Variants in CSMD3 observed in about 807,000 individuals in gnomAD.
CSMD3 encodes the protein CUB and Sushi multiple domains 3, also known as CUB and sushi domain-containing protein 3.
Under a neutral mutation model 435.2 loss-of-function variants are expected in CSMD3, and 177 were observed. The observed-to-expected ratio is 0.41, with a 90% CI of 0.36 to 0.46. CSMD3 has a LOEUF of 0.46. Ranked by LOEUF, CSMD3 falls within the 20% of genes least tolerant of loss-of-function variation. CSMD3 has a pLI of 0.34. For missense variants in CSMD3, 4,265 were observed against 4,504.6 expected, an observed-to-expected ratio of 0.95 and a Z score of 1.52; for synonymous variants, 1,656 against 1,520.5, an observed-to-expected ratio of 1.09 and a Z score of -2.07.
chr8:113,345,575 A>C (rs1420218293), intron 1 of CSMD3, among the ~76,000 whole-genome samples: 1 of 152,128 alleles, frequency 6.6e-6, no homozygotes, highest in East Asian at 1.9e-4. Context: ...AATAATTTAG[A>C]TCAACCCATG....
At chr8:112,314,945 C>T (rs1366971596) in intron 47 of CSMD3, among the ~76,000 whole-genome samples, 1 of 151,948 alleles carries the variant, frequency 6.6e-6, no homozygotes, top group African/African-American at 2.4e-5. Context: ...TGTTCTCCCA[C>T]CTCTGCCTGT....
chr8:112,952,673 A>G (rs1040796318), intron 8 of CSMD3, among the ~76,000 whole-genome samples: 6 of 151,514 alleles, frequency 4.0e-5, no homozygotes, highest in Admixed American at 2.6e-4. Flanking sequence ...TTTGCAAAAA[A>G]TATTTTGACT....
At chr8:113,057,423 CTCT>C (rs1210664286) in intron 5 of CSMD3, among the ~76,000 whole-genome samples, 10 of 151,656 alleles carry the variant, frequency 6.6e-5, no homozygotes, top group Admixed American at 5.9e-4. Context: ...GAAAATTTAA[CTCT>C]TCTTTTTCAG....
chr8:112,607,496 A>G (rs1832892539), intron 22 of CSMD3, among the ~76,000 whole-genome samples: 1 of 152,118 alleles, frequency 6.6e-6, no homozygotes, highest in Admixed American at 6.6e-5. Flanking sequence ...GGCCAATATT[A>G]ACCTGACACC....
chr8:112,343,879 A>G (rs1009051279), intron 41 of CSMD3, among the ~76,000 whole-genome samples: 1 of 151,330 alleles, frequency 6.6e-6, no homozygotes, highest in Non-Finnish European at 1.5e-5. Flanking sequence ...TTATTTATTT[A>G]TTATTTATTT....
At chr8:112,472,565 T>C (rs1237878716) in intron 32 of CSMD3, 26 bp downstream of exon 32, 2 of 1,182,238 alleles carry the variant, frequency 1.7e-6, no homozygotes, top group South Asian at 1.2e-5. Flanking sequence ...GATGAAATAC[T>C]ACATAATGAG....
intron 24 of CSMD3, among the ~76,000 whole-genome samples, chr8:112,567,621 T>C (rs1829163428): frequency 6.6e-6 from 1 of 152,096 alleles, no homozygotes. Context: ...TCTCTATAAC[T>C]TAGCCTTTAG....
chr8:113,081,344 CCTTGG>C (rs1043994981), intron 5 of CSMD3, among the ~76,000 whole-genome samples: 3 of 152,130 alleles, frequency 2.0e-5, no homozygotes, highest in African/African-American at 4.8e-5. Flanking sequence ...TCTCAGTGTT[CCTTGG>C]CTTGGAGGTG....
At chr8:113,265,334 T>A (rs2093460936) in intron 3 of CSMD3, among the ~76,000 whole-genome samples, 1 of 151,538 alleles carries the variant, frequency 6.6e-6, no homozygotes, top group East Asian at 1.9e-4. Context: ...ACTGGGTAAT[T>A]CAAATAATAC....
intron 22 of CSMD3, among the ~76,000 whole-genome samples, chr8:112,619,548 G>A (rs1351231187): frequency 6.6e-6 from 1 of 151,776 alleles, no homozygotes. Flanking sequence ...CAGAGAAAAG[G>A]AAAGTAATCA....
intron 4 of CSMD3, among the ~76,000 whole-genome samples, chr8:113,100,101 A>C (rs918049697): frequency 2.0e-5 from 3 of 152,094 alleles, no homozygotes; most frequent in Admixed American, 2.0e-4. Flanking sequence ...TTATTACTGT[A>C]TTATATGCAT....
intron 27 of CSMD3, among the ~76,000 whole-genome samples, chr8:112,525,564 CAA>C (rs1824799463): frequency 6.8e-6 from 1 of 147,682 alleles, no homozygotes; most frequent in Admixed American, 6.8e-5. Flanking sequence ...ACTAAAAATA[CAA>C]AAAAATTAGC....
intron 13 of CSMD3, among the ~76,000 whole-genome samples, chr8:112,732,282 A>G (rs1345504019): frequency 1.3e-5 from 2 of 152,172 alleles, no homozygotes; most frequent in African/African-American, 4.8e-5. Context: ...GAGATAGCCC[A>G]CAAACAGTTA....
chr8:112,508,971 C>T (rs986632396), intron 28 of CSMD3, among the ~76,000 whole-genome samples: 4 of 151,998 alleles, frequency 2.6e-5, no homozygotes, highest in African/African-American at 9.7e-5. Context: ...AAGAAAAGTG[C>T]CAAAGTATTC....
chr8:113,187,238 T>C (rs1010249306), intron 3 of CSMD3, among the ~76,000 whole-genome samples: 6 of 151,632 alleles, frequency 4.0e-5, no homozygotes, highest in Admixed American at 6.6e-5. Context: ...TAATCCTTCT[T>C]GGTCATGTGA....
chr8:113,177,346 A>T (rs144651476), intron 3 of CSMD3, among the ~76,000 whole-genome samples: 2,215 of 152,142 alleles, frequency 0.015, 55 homozygotes, highest in African/African-American at 0.051. Flanking sequence ...TCAGATGTAC[A>T]TGCAAGCTAG....
At chr8:113,399,323 T>C (rs939027239) in intron 1 of CSMD3, among the ~76,000 whole-genome samples, 1 of 151,418 alleles carries the variant, frequency 6.6e-6, no homozygotes. Context: ...CTCCTAACTA[T>C]AGATCCCAGA....
intron 32 of CSMD3, among the ~76,000 whole-genome samples, chr8:112,470,482 G>A (rs913627774): frequency 1.3e-5 from 2 of 152,106 alleles, no homozygotes; most frequent in African/African-American, 4.8e-5. Flanking sequence ...CTTTAGAGAT[G>A]TGTAGGGTTC....
At chr8:112,506,490 G>A (rs545024941) in intron 29 of CSMD3, among the ~76,000 whole-genome samples, 3 of 152,156 alleles carry the variant, frequency 2.0e-5, no homozygotes, top group Admixed American at 6.6e-5. Flanking sequence ...GCGGGAAAAT[G>A]GAGGCTCACT....
Sources: gnomAD v4.1 joint callset for allele counts (sites outside exome capture counted in the v4.1 genomes callset) on GRCh38, gnomAD v4.1.1 for gene constraint, MANE v1.5 for transcripts, NCBI Gene and HGNC (gene_info 2026-07-23, HGNC 2026-07-21) for gene names.